The following ANXA8 variants were observed in gnomAD, a reference collection of about 807,000 sequenced individuals.
The protein encoded by ANXA8 is VAC-beta.
Under a neutral mutation model 26.8 loss-of-function variants are expected in ANXA8, and 9 were observed. That is an observed-to-expected ratio of 0.34 (90% CI 0.20 to 0.59). ANXA8 has a LOEUF of 0.59. Among genes scored for constraint, ANXA8 ranks in the 20% least tolerant of loss-of-function variants. The probability of loss-of-function intolerance (pLI) is 0.84; values close to 1 mark genes in which losing one functional copy is unlikely to be tolerated. For missense variants in ANXA8, 83 were observed against 238.5 expected, an observed-to-expected ratio of 0.35 and a Z score of 4.29; for synonymous variants, 39 against 94.8, an observed-to-expected ratio of 0.41 and a Z score of 3.42.
At chr10:47,489,342 G>C in the ANXA8 span, among the ~76,000 whole-genome samples, 1 of 149,328 alleles carries the variant, frequency 6.7e-6, no homozygotes, top group African/African-American at 2.4e-5. Context: ...GTCCCAGTGT[G>C]CTGTCACATA....
chr10:47,955,128 T>G, the ANXA8 span, among the ~76,000 whole-genome samples: 1 of 148,846 alleles, frequency 6.7e-6, no homozygotes, highest in Non-Finnish European at 1.5e-5. Context: ...CCTCATGAGA[T>G]GTGATGGTAT....
At chr10:47,511,176 C>T in the ANXA8 span, among the ~76,000 whole-genome samples, 3 of 135,584 alleles carry the variant, frequency 2.2e-5, 1 homozygote, top group East Asian at 8.8e-4. Flanking sequence ...ATCTCCTCAC[C>T]TCGTGATCTG....
At chr10:47,979,524 C>A in the ANXA8 span, among the ~76,000 whole-genome samples, 5 of 151,762 alleles carry the variant, frequency 3.3e-5, no homozygotes, top group South Asian at 1.0e-3. Context: ...CCTTGAGATG[C>A]AGAGATTACC....
chr10:47,534,686 CT>C, the ANXA8 span, among the ~76,000 whole-genome samples: 1 of 105,708 alleles, frequency 9.5e-6, no homozygotes, highest in Admixed American at 1.0e-4. Flanking sequence ...CGGAGTTTTG[CT>C]GTTATTGCCC....
At chr10:47,658,835 T>TTTTA in the ANXA8 span, among the ~76,000 whole-genome samples, 46 of 137,698 alleles carry the variant, frequency 3.3e-4, no homozygotes, top group Admixed American at 1.8e-3. Flanking sequence ...GTGTTGAGGT[T>TTTTA]TTTATTTATT....
chr10:47,727,109 A>G, the ANXA8 span, among the ~76,000 whole-genome samples: 1 of 152,310 alleles, frequency 6.6e-6, no homozygotes, highest in African/African-American at 2.4e-5. Context: ...AAGCCTATGT[A>G]AGTTAGAAGG....
the ANXA8 span, among the ~76,000 whole-genome samples, chr10:47,552,686 G>A: frequency 6.6e-6 from 1 of 151,936 alleles, no homozygotes; most frequent in Non-Finnish European, 1.5e-5. Flanking sequence ...GGTAGTCACT[G>A]AATCTGTGAG....
the ANXA8 span, among the ~76,000 whole-genome samples, chr10:47,968,881 T>A: frequency 6.9e-6 from 1 of 144,826 alleles, no homozygotes; most frequent in Non-Finnish European, 1.5e-5. Flanking sequence ...CTATGTAACA[T>A]ATCTAATTGA....
the ANXA8 span, among the ~76,000 whole-genome samples, chr10:47,953,775 A>G: frequency 6.6e-6 from 1 of 150,826 alleles, no homozygotes; most frequent in Non-Finnish European, 1.5e-5. Flanking sequence ...CAAATGACAC[A>G]TAGGCATATG....
chr10:47,733,289 T>TTCTTTC, the ANXA8 span, among the ~76,000 whole-genome samples: 1 of 84,924 alleles, frequency 1.2e-5, no homozygotes, highest in Non-Finnish European at 2.4e-5. Context: ...CTTTCTTTCT[T>TTCTTTC]TCTTTCTTTT....
chr10:47,497,339 G>A, the ANXA8 span, among the ~76,000 whole-genome samples: 4 of 136,866 alleles, frequency 2.9e-5, 1 homozygote, highest in African/African-American at 1.1e-4. Context: ...AAAAAGGCCA[G>A]GCGCAATGGC....
chr10:47,597,043 C>G, the ANXA8 span, among the ~76,000 whole-genome samples: 5 of 149,038 alleles, frequency 3.4e-5, no homozygotes, highest in South Asian at 1.0e-3. Context: ...AGCAGCACAT[C>G]AAAAAGATAA....
chr10:47,597,435 G>A, the ANXA8 span, among the ~76,000 whole-genome samples: 20 of 146,966 alleles, frequency 1.4e-4, 1 homozygote, highest in Non-Finnish European at 2.4e-4. Context: ...AGAAACAAAA[G>A]GCATCCAAAT....
the ANXA8 span, among the ~76,000 whole-genome samples, chr10:47,633,750 TA>T: frequency 6.7e-6 from 1 of 148,568 alleles, no homozygotes; most frequent in Admixed American, 6.6e-5. Flanking sequence ...TTAAAGGCCC[TA>T]AACTTCCAGG....
At chr10:47,617,623 C>T in the ANXA8 span, among the ~76,000 whole-genome samples, 1 of 147,240 alleles carries the variant, frequency 6.8e-6, no homozygotes, top group Non-Finnish European at 1.5e-5. Context: ...GTTTTATATG[C>T]CATGTTTTGT....
chr10:47,693,585 C>T, the ANXA8 span, among the ~76,000 whole-genome samples: 12 of 152,030 alleles, frequency 7.9e-5, no homozygotes, highest in Admixed American at 3.3e-4. Context: ...CCACCGCGCC[C>T]GGCCGAGTAC....
chr10:47,717,995 CTCA>C, the ANXA8 span, among the ~76,000 whole-genome samples: 1 of 47,384 alleles, frequency 2.1e-5, no homozygotes, highest in Non-Finnish European at 3.3e-5. Flanking sequence ...AATACTCTGT[CTCA>C]AAAAAAAAAA....
At chr10:47,615,993 C>T in the ANXA8 span, among the ~76,000 whole-genome samples, 2 of 68,450 alleles carry the variant, frequency 2.9e-5, 1 homozygote, top group Admixed American at 3.1e-4. Flanking sequence ...GGCATTGAGT[C>T]TTTTGATAAT....
chr10:47,669,732 A>T, the ANXA8 span, among the ~76,000 whole-genome samples: 1 of 151,604 alleles, frequency 6.6e-6, no homozygotes, highest in Non-Finnish European at 1.5e-5. Context: ...AAAACAAAAA[A>T]ACCCCAAAAA....
Sources: gnomAD v4.1 joint callset for allele counts (sites outside exome capture counted in the v4.1 genomes callset) on GRCh38, gnomAD v4.1.1 for gene constraint, MANE v1.5 for transcripts, NCBI Gene and HGNC (gene_info 2026-07-23, HGNC 2026-07-21) for gene names.